Variants in CENPS observed in about 807,000 individuals in gnomAD.
CENPS encodes FANCM associated histone fold protein 1.
A neutral mutation model predicts 17.9 loss-of-function variants in CENPS; 16 were observed. That is an observed-to-expected ratio of 0.90 (90% CI 0.61 to 1.36). The LOEUF (loss-of-function observed/expected upper bound fraction) is 1.36, where lower values mean the gene tolerates loss of function less well. Ranked by LOEUF, CENPS falls within the 40% of genes most tolerant of loss-of-function variation. The probability of loss-of-function intolerance (pLI) is 0.00; values close to 1 mark genes in which losing one functional copy is unlikely to be tolerated. For missense variants in CENPS, 160 were observed against 158.6 expected (o/e 1.01, Z -0.05); for synonymous variants, 49 against 55.8 (o/e 0.88, Z 0.54).
rs1345805039 is a variant in CENPS at position 10,442,720 on chromosome 1, T to G, written c.*315T>G. ...GTGTGAGCAATTAAACATGGTTGAC[T>G]TTTTCAAGCAAAAATCAGTTCATCT... On this transcript the variant is annotated 3_prime_UTR_variant, in exon 5 of 5. Coordinates refer to ENST00000309048, the MANE Select transcript of CENPS (RefSeq NM_199294.3). The G allele has an allele frequency of 4.4e-6, 1 of 227,442 alleles. No homozygotes were observed. Among genetic ancestry groups the G allele is most frequent in the Non-Finnish European group, 8.2e-6 (1 of 121,962 alleles). 14.1% of individuals were successfully genotyped at this position (227,442 alleles called of 1,614,324 possible).
At chr1:10,440,689 CATG>C (rs1640368997) in intron 4 of CENPS, among the ~76,000 whole-genome samples, 1 of 152,226 alleles carries the variant, frequency 6.6e-6, no homozygotes, top group Admixed American at 6.5e-5. Context: ...TCATTTACAA[CATG>C]ATGTCAGAGA....
At position 10,442,490 on chromosome 1, in the gene CENPS, TTA is replaced by T; in HGVS notation, c.*86_*87del. The stretch of plus-strand genomic sequence containing the variant: ...TGGCTGCAAAGGAAACTTTGAAGGG[TTA>T]AATAGAGATTTAAAAAAATAAAATA... On this transcript the variant is annotated 3_prime_UTR_variant, in exon 5 of 5. Transcript: ENST00000309048. The T allele has an allele frequency of 2.1e-6, 3 of 1,398,608 alleles. No individual in the cohort carries two copies. The highest frequency in any genetic ancestry group is 2.8e-6 in the Non-Finnish European group (3 of 1,074,720). The allele number at this position is 1,398,608 out of a possible 1,614,324, so 86.6% of individuals were successfully genotyped here.
chr1:10,439,051 G>A (rs1273544079), intron 3 of CENPS, among the ~76,000 whole-genome samples: 1 of 152,128 alleles, frequency 6.6e-6, no homozygotes. Context: ...ATTATCTCTT[G>A]AAGTGGGTAT....
In CENPS at chr1:10,430,433, G is replaced by C. The variant is rs941327180; in HGVS notation, c.-85G>C. On this transcript the variant is annotated 5_prime_UTR_variant, in exon 1 of 5. Transcript: ENST00000309048. ...TGTCCGCCCGCGCGGCCCGTCGCTC[G>C]CGCCGCGGCGGGAAAATCCGACCTG... 3.8e-5 allele frequency: 58 copies of C among 1,513,890 alleles called. No individual in the cohort carries two copies. The African/African-American group carries it at 7.6e-4, about 20-fold the overall frequency. The allele number at this position is 1,513,890 out of a possible 1,614,324, so 93.8% of individuals were successfully genotyped here. A position where few individuals can be genotyped will look rare whatever the true frequency, so the allele number is the denominator to read the frequency against.
At chr1:10,432,723 C>T (rs925641687) in intron 1 of CENPS, among the ~76,000 whole-genome samples, 3 of 152,138 alleles carry the variant, frequency 2.0e-5, no homozygotes, top group African/African-American at 7.2e-5. Context: ...CTGACCCCCA[C>T]CCATACCTAA....
intron 1 of CENPS, chr1:10,431,349 C>T (rs1283753233): frequency 6.5e-7 from 1 of 1,535,366 alleles, no homozygotes; most frequent in South Asian, 1.2e-5. Context: ...GCTGTCTACC[C>T]TGCCCCTTGT....
At chr1:10,434,842 C>T (rs1269252148) in intron 3 of CENPS, 152 bp downstream of exon 3, 22 of 1,163,164 alleles carry the variant, frequency 1.9e-5, no homozygotes, top group South Asian at 6.1e-5. Flanking sequence ...AAGAACATGA[C>T]GCCTCCTTCA....
intron 4 of CENPS, 56 bp from the exon 5 acceptor site, chr1:10,442,209 A>G (rs1039460528): frequency 6.5e-7 from 1 of 1,532,492 alleles, no homozygotes; most frequent in Non-Finnish European, 8.7e-7. Flanking sequence ...TTGTTTGTTT[A>G]TTTAGGTTTA....
At position 10,433,896 on chromosome 1, in the gene CENPS, T is replaced by C. The variant is rs149191854; in HGVS notation, c.106T>C (p.Leu36=). ...TVGCLCEEVA[L]DKEMQFSKQT... is the part of the protein sequence containing the mutation. The stretch of plus-strand genomic sequence containing the variant: ...GGGTTGTCTTTGCGAGGAAGTTGCA[T>C]TGGACAAAGAGATGCAGTTCAGCAA... The change falls in exon 2 of 5, where the codon TTG becomes CTG. Residue 36 remains leucine (L), a synonymous_variant. Transcript: ENST00000309048. 7.2e-5 allele frequency: 117 copies of C among 1,614,110 alleles called. No individual in the cohort carries two copies. Among genetic ancestry groups the C allele is most frequent in the Middle Eastern group, 1.6e-4 (1 of 6,084 alleles).
chr1:10,432,421 A>G (rs1213888694), intron 1 of CENPS, among the ~76,000 whole-genome samples: 1 of 152,196 alleles, frequency 6.6e-6, no homozygotes, highest in Non-Finnish European at 1.5e-5. Flanking sequence ...GGCTCTCAAT[A>G]GACCAACAAA....
intron 2 of CENPS, among the ~76,000 whole-genome samples, chr1:10,434,200 TTG>T (rs1436653959): frequency 6.6e-6 from 1 of 152,274 alleles, no homozygotes; most frequent in African/African-American, 2.4e-5. Flanking sequence ...CTTTATTTTA[TTG>T]TTTTAAACTG....
intron 4 of CENPS, among the ~76,000 whole-genome samples, chr1:10,441,865 T>G (rs1045462712): frequency 6.6e-6 from 1 of 151,936 alleles, no homozygotes; most frequent in Non-Finnish European, 1.5e-5. Context: ...GAGCTCGTGA[T>G]CTGTCTGCCT....
chr1:10,438,252 C>T (rs752012872), intron 3 of CENPS, among the ~76,000 whole-genome samples: 30 of 152,166 alleles, frequency 2.0e-4, no homozygotes, highest in Non-Finnish European at 3.7e-4. Context: ...TCAAGCGATT[C>T]GCCTTTCTCA....
chr1:10,436,002 C>T (rs2124267159), intron 3 of CENPS, among the ~76,000 whole-genome samples: 1 of 146,194 alleles, frequency 6.8e-6, no homozygotes, highest in East Asian at 2.0e-4. Context: ...TTTTTGGAGA[C>T]AGAGTCTCAC....
Position 10,440,456 on chromosome 1 carries a change from A to G in CENPS, c.276+43A>G, listed in dbSNP as rs1448400241. On this transcript the variant is annotated intron_variant, in intron 4 of 4. Coordinates refer to ENST00000309048, the MANE Select transcript of CENPS (RefSeq NM_199294.3). ...TTCCTCACTCCCCTTTCCCATCGGA[A>G]TACATTATTCCCAATCAATCACTTG... is the stretch of plus-strand genomic sequence containing the variant. The G allele has an allele frequency of 2.5e-6, 4 of 1,607,978 alleles. No individual in the cohort carries two copies. In the Admixed American group the frequency reaches 6.8e-5, roughly 27 times the overall value.
chr1:10,432,266 T>C lies in CENPS; in HGVS notation c.52-1576T>C, dbSNP rs190161866. Reference sequence around the variant, plus strand: ...CCACGCCCAGCTAATTTTGTATGTTTAGTAGAGACAGTTTCACCATGTTGG... The same window carrying C: ...CCACGCCCAGCTAATTTTGTATGTTCAGTAGAGACAGTTTCACCATGTTGG... On this transcript the variant is annotated intron_variant, in intron 1 of 4. Transcript: ENST00000309048. Among the ~76,000 whole-genome samples, 526 of 152,210 alleles carry C rather than the reference T, an allele frequency of 3.5e-3. 4 individuals carry two copies. Among genetic ancestry groups the C allele is most frequent in the African/African-American group, 0.012 (507 of 41,536 alleles).
intron 3 of CENPS, among the ~76,000 whole-genome samples, chr1:10,439,140 T>C (rs1640303308): frequency 6.6e-6 from 1 of 152,226 alleles, no homozygotes; most frequent in East Asian, 1.9e-4. Context: ...ATGTAAAGGA[T>C]TAATTTGGCC....
intron 3 of CENPS, among the ~76,000 whole-genome samples, chr1:10,435,963 AAAGT>A (rs1270491867): frequency 2.0e-5 from 3 of 147,632 alleles, no homozygotes; most frequent in Admixed American, 7.0e-5. Flanking sequence ...TGTGTTTTTT[AAAGT>A]ATATAAGAGG....
chr1:10,435,784 C>A (rs1254004254), intron 3 of CENPS, among the ~76,000 whole-genome samples: 2 of 150,924 alleles, frequency 1.3e-5, no homozygotes, highest in Non-Finnish European at 2.9e-5. Flanking sequence ...GGTATGTTGC[C>A]CAGGCTGGTC....
Sources: allele counts gnomAD v4.1 joint callset (sites outside exome capture counted in the v4.1 genomes callset), GRCh38; gene constraint gnomAD v4.1.1; transcripts MANE v1.5; gene names NCBI Gene and HGNC (gene_info 2026-07-23, HGNC 2026-07-21).